Variants in GNG2 observed in about 807,000 individuals in gnomAD.
GNG2 encodes G protein subunit gamma 2, also known as guanine nucleotide-binding protein G(I)/G(S)/G(O) subunit gamma-2.
In GNG2, 5 loss-of-function variants were observed where a neutral mutation model predicts 5.5. That is an observed-to-expected ratio of 0.91 (90% confidence interval 0.48 to 1.92). The LOEUF is 1.92. GNG2 is among the 30% of genes most tolerant of loss of function. The pLI, the probability that GNG2 is intolerant of heterozygous loss-of-function variation, is 0.01. For missense variants in GNG2, 55 were observed against 88.4 expected (o/e 0.62, Z 1.52); for synonymous variants, 28 against 32.0 (o/e 0.88, Z 0.42).
At chr14:51,887,842 C>A (rs966143045) in intron 2 of GNG2, among the ~76,000 whole-genome samples, 15 of 152,124 alleles carry the variant, frequency 9.9e-5, no homozygotes, top group Admixed American at 8.5e-4. Context: ...GTTTTCCACA[C>A]AGTAGTCATG....
chr14:51,944,603 AG>A (rs1460782097), intron 2 of GNG2, among the ~76,000 whole-genome samples: 6 of 152,228 alleles, frequency 3.9e-5, no homozygotes, highest in Non-Finnish European at 1.5e-5. Flanking sequence ...GGATATCCAC[AG>A]GCAAAAGAAT....
At chr14:51,875,639 A>C (rs1883604006) in intron 1 of GNG2, among the ~76,000 whole-genome samples, 1 of 151,610 alleles carries the variant, frequency 6.6e-6, no homozygotes, top group South Asian at 2.1e-4. Context: ...AATACAACTT[A>C]TATTATGTAT....
chr14:51,951,166 A>AT (rs1888955313), intron 3 of GNG2, among the ~76,000 whole-genome samples: 1 of 152,222 alleles, frequency 6.6e-6, no homozygotes, highest in South Asian at 2.1e-4. Flanking sequence ...TTTTGGGTCT[A>AT]ACACTTCTAG....
At chr14:51,935,268 G>A (rs927479210) in intron 2 of GNG2, among the ~76,000 whole-genome samples, 2 of 151,716 alleles carry the variant, frequency 1.3e-5, no homozygotes, top group African/African-American at 2.4e-5. Flanking sequence ...CTCCTGATCC[G>A]GCCGCCTCGG....
intron 2 of GNG2, among the ~76,000 whole-genome samples, chr14:51,896,294 TTTTTTATAACACATTA>T (rs1885188950): frequency 6.6e-6 from 1 of 152,236 alleles, no homozygotes. Flanking sequence ...ATTATCAAGT[TTTTTTATAACACATTA>T]TTTCATTCAG....
intron 2 of GNG2, among the ~76,000 whole-genome samples, chr14:51,834,608 G>C (rs1881284775): frequency 6.6e-6 from 1 of 152,204 alleles, no homozygotes; most frequent in African/African-American, 2.4e-5. Flanking sequence ...TGGGTCCTGG[G>C]TAAGGATAGG....
intron 2 of GNG2, chr14:51,827,943 T>TA (rs1290243171): frequency 3.1e-5 from 18 of 587,664 alleles, no homozygotes; most frequent in Non-Finnish European, 5.4e-5. Context: ...GGAGGGAGCA[T>TA]AAAGCTGCGG....
At chr14:51,844,112 C>T (rs924987613) in intron 2 of GNG2, among the ~76,000 whole-genome samples, 1 of 152,216 alleles carries the variant, frequency 6.6e-6, no homozygotes, top group Non-Finnish European at 1.5e-5. Flanking sequence ...GATATTCAAC[C>T]AGTTTGATTG....
chr14:51,928,661 G>GGA (rs1447460409), intron 2 of GNG2, among the ~76,000 whole-genome samples: 1 of 152,292 alleles, frequency 6.6e-6, no homozygotes, highest in South Asian at 2.1e-4. Flanking sequence ...TGAGGAGGAA[G>GGA]GAGAGAGAGA....
chr14:51,941,471 C>T (rs1888313677), intron 2 of GNG2, among the ~76,000 whole-genome samples: 1 of 152,190 alleles, frequency 6.6e-6, no homozygotes, highest in African/African-American at 2.4e-5. Context: ...CAAAATCTCT[C>T]AGCACCTACT....
At chr14:51,828,186 G>A (rs1360023486) in intron 2 of GNG2, among the ~76,000 whole-genome samples, 1 of 152,322 alleles carries the variant, frequency 6.6e-6, no homozygotes, top group East Asian at 1.9e-4. Context: ...ACAGTCTCCG[G>A]CAAGGCTGCT....
At chr14:51,826,792 A>C (rs1041097017) in intron 1 of GNG2, among the ~76,000 whole-genome samples, 2 of 152,194 alleles carry the variant, frequency 1.3e-5, no homozygotes, top group African/African-American at 4.8e-5. Context: ...GGTGAATTAG[A>C]ATGGTGAAGT....
chr14:51,834,509 G>A (rs1054863642), intron 2 of GNG2, among the ~76,000 whole-genome samples: 1 of 152,246 alleles, frequency 6.6e-6, no homozygotes, highest in African/African-American at 2.4e-5. Context: ...GGCTGGCAAG[G>A]TGCTAATGTT....
rs576828636 is a variant in GNG2 at position 51,968,169 on chromosome 14, G to A, written c.*1482G>A. 2 of 152,232 alleles carry A rather than the reference G, an allele frequency of 1.3e-5. No individual in the cohort carries two copies. The highest frequency in any genetic ancestry group is 4.2e-4 in the South Asian group (2 of 4,814). The allele number at this position is 152,232 out of a possible 1,614,324, so 9.4% of individuals were successfully genotyped here. On this transcript the variant is annotated 3_prime_UTR_variant, in exon 4 of 4. Transcript: ENST00000556766. ...CCTTCCCCAAGATATGGTAGTGAGA[G>A]TAATTTTTCATTGTAGCTGTAGTCT...
At chr14:51,847,563 T>A (rs1347314367) in intron 2 of GNG2, among the ~76,000 whole-genome samples, 4 of 151,754 alleles carry the variant, frequency 2.6e-5, no homozygotes, top group Admixed American at 6.6e-5. Context: ...ATTTCAAATT[T>A]AAAAAAAAGA....
At chr14:51,920,278 G>A (rs985104880) in intron 2 of GNG2, among the ~76,000 whole-genome samples, 2 of 151,812 alleles carry the variant, frequency 1.3e-5, no homozygotes, top group African/African-American at 2.4e-5. Context: ...AAGGGACAAC[G>A]GTATTTGCAT....
chr14:51,963,033 T>G (rs1889704592), intron 3 of GNG2, among the ~76,000 whole-genome samples: 2 of 152,172 alleles, frequency 1.3e-5, no homozygotes, highest in African/African-American at 4.8e-5. Flanking sequence ...CCCATAATGT[T>G]GTTGTAAGGA....
intron 2 of GNG2, among the ~76,000 whole-genome samples, chr14:51,931,108 A>C (rs572341691): frequency 6.6e-6 from 1 of 152,198 alleles, no homozygotes; most frequent in Non-Finnish European, 1.5e-5. Flanking sequence ...AAAAACAAAA[A>C]CAAAAGAACA....
intron 3 of GNG2, among the ~76,000 whole-genome samples, chr14:51,964,568 C>T (rs1003380188): frequency 1.3e-5 from 2 of 152,192 alleles, no homozygotes; most frequent in Non-Finnish European, 2.9e-5. Flanking sequence ...ATCAGGGATG[C>T]TGGCAGATGG....
Sources: gnomAD v4.1 joint callset for allele counts (sites outside exome capture counted in the v4.1 genomes callset) on GRCh38, gnomAD v4.1.1 for gene constraint, MANE v1.5 for transcripts, NCBI Gene and HGNC (gene_info 2026-07-23, HGNC 2026-07-21) for gene names.